ARPP21: variants seen among roughly 807,000 people sequenced by gnomAD.
ARPP21 encodes cAMP regulated phosphoprotein 21.
Under a neutral mutation model 113.2 loss-of-function variants are expected in ARPP21, and 69 were observed. That is an observed-to-expected ratio of 0.61 (90% CI 0.50 to 0.74). ARPP21 has a LOEUF of 0.74. Among genes scored for constraint, ARPP21 ranks in the 30% least tolerant of loss-of-function variants. ARPP21 has a pLI of 0.00. For synonymous variants in ARPP21, 368 were observed against 375.5 expected (o/e 0.98, Z 0.23); for missense variants, 1,070 against 1,037.4 (o/e 1.03, Z -0.43).
intron 11 of ARPP21, 68 bp from the exon 12 acceptor site, chr3:35,715,371 A>G: frequency 7.9e-7 from 1 of 1,268,540 alleles, no homozygotes; most frequent in Admixed American, 1.8e-5. Context: ...TTTTAAAATC[A>G]GGCAAGTATT....
In ARPP21 at chr3:35,706,995, A is replaced by G. The variant is rs771235801; in HGVS notation, c.708A>G (p.Glu236=). 5.6e-6 allele frequency: 9 copies of G among 1,613,882 alleles called. No individual in the cohort carries two copies. The highest frequency in any genetic ancestry group is 7.6e-6 in the Non-Finnish European group (9 of 1,179,916). ...GCAGACCAGAGCAAAGGTTTTGTGA[A>G]CATTTAAAAGATGAAAAAGGTGAAG... ...STRIPEQRFC[E]HLKDEKGEES... Residue 236 remains glutamate (E), a synonymous_variant, in exon 10 of 21, where the codon GAA becomes GAG. Coordinates refer to ENST00000684406, the MANE Select transcript of ARPP21 (RefSeq NM_001385562.1).
chr3:35,762,512 C>G (rs1333301610), intron 19 of ARPP21, among the ~76,000 whole-genome samples: 1 of 151,954 alleles, frequency 6.6e-6, no homozygotes, highest in Non-Finnish European at 1.5e-5. Context: ...TCTTTTATTA[C>G]AATGATCTAC....
chr3:35,729,061 A>C (rs908033328), intron 14 of ARPP21, among the ~76,000 whole-genome samples: 1 of 152,166 alleles, frequency 6.6e-6, no homozygotes, highest in Non-Finnish European at 1.5e-5. Flanking sequence ...AAAGGCTGAG[A>C]GAAAGTTCTC....
At chr3:35,708,782 C>T (rs920505601) in intron 10 of ARPP21, among the ~76,000 whole-genome samples, 187 bp from the exon 11 acceptor site, 1 of 152,192 alleles carries the variant, frequency 6.6e-6, no homozygotes, top group Non-Finnish European at 1.5e-5. Flanking sequence ...CACCTCTCAC[C>T]ATTGCATGTC....
At chr3:35,777,641 C>G (rs572300417) in intron 19 of ARPP21, among the ~76,000 whole-genome samples, 157 of 152,236 alleles carry the variant, frequency 1.0e-3, no homozygotes, top group African/African-American at 3.7e-3. Context: ...GTCAGAATTG[C>G]AAGGACCAGT....
chr3:35,749,149 G>A (rs1036435951), intron 19 of ARPP21, among the ~76,000 whole-genome samples: 3 of 152,144 alleles, frequency 2.0e-5, no homozygotes, highest in Admixed American at 2.0e-4. Context: ...AATTGTTCAA[G>A]TACACAGGTT....
At chr3:35,739,231 G>A in intron 17 of ARPP21, 86 bp from the exon 18 acceptor site, 2 of 1,472,884 alleles carry the variant, frequency 1.4e-6, no homozygotes, top group Non-Finnish European at 1.8e-6. Context: ...ACAACTCCAA[G>A]AATGTGTCCT....
At chr3:35,667,956 A>AGAAGAAGAAGAG (rs2075074336) in intron 1 of ARPP21, among the ~76,000 whole-genome samples, 6 of 35,424 alleles carry the variant, frequency 1.7e-4, no homozygotes, top group African/African-American at 6.1e-4. Context: ...GAAAAGAAGA[A>AGAAGAAGAAGAG]GAAGAAGAAG....
intron 9 of ARPP21, among the ~76,000 whole-genome samples, chr3:35,705,048 C>A (rs555745404): frequency 2.0e-5 from 3 of 152,122 alleles, no homozygotes; most frequent in Admixed American, 2.0e-4. Context: ...AACAAAATTT[C>A]TGTAAATTTA....
chr3:35,699,767 T>C (rs1194517535), intron 9 of ARPP21, among the ~76,000 whole-genome samples: 5 of 151,798 alleles, frequency 3.3e-5, no homozygotes, highest in Non-Finnish European at 7.4e-5. Flanking sequence ...AAATACTGTA[T>C]TTGCATATGG....
chr3:35,745,283 T>A (rs1181625291), intron 19 of ARPP21, among the ~76,000 whole-genome samples: 3 of 152,218 alleles, frequency 2.0e-5, no homozygotes, highest in Non-Finnish European at 4.4e-5. Flanking sequence ...GTGCTATCAG[T>A]TTAGATACAT....
At chr3:35,747,223 G>A (rs1292035502) in intron 19 of ARPP21, among the ~76,000 whole-genome samples, 5 of 151,632 alleles carry the variant, frequency 3.3e-5, no homozygotes, top group Non-Finnish European at 5.9e-5. Flanking sequence ...GCATGGTGGC[G>A]GGTGCCTGTA....
At chr3:35,666,860 T>C (rs7624407) in intron 1 of ARPP21, among the ~76,000 whole-genome samples, 8,389 of 152,254 alleles carry the variant, frequency 0.055, 361 homozygotes, top group African/African-American at 0.12. Flanking sequence ...TTTTTGAGAT[T>C]TGGAAAGGTT....
In ARPP21 at chr3:35,681,714, G is replaced by A; in HGVS notation, c.-38G>A. On this transcript the variant is annotated splice_region_variant and 5_prime_UTR_variant, in exon 3 of 21. Coordinates refer to ENST00000684406, the MANE Select transcript of ARPP21 (RefSeq NM_001385562.1). The stretch of plus-strand genomic sequence containing the variant: ...ATTTTCTGATATCTTAACCTTCTAG[G>A]GCATAAAATCTTGTTATTTTAATTT... The A allele has an allele frequency of 1.9e-6, 3 of 1,563,470 alleles. No individual in the cohort carries two copies. The highest frequency in any genetic ancestry group is 2.6e-6 in the Non-Finnish European group (3 of 1,138,194).
chr3:35,653,581 C>T (rs1023702296), intron 1 of ARPP21, among the ~76,000 whole-genome samples: 1 of 152,040 alleles, frequency 6.6e-6, no homozygotes, highest in African/African-American at 2.4e-5. Context: ...TTGGGACACA[C>T]TCTCCCCCGG....
intron 1 of ARPP21, among the ~76,000 whole-genome samples, chr3:35,652,770 C>T (rs1702965926): frequency 6.6e-6 from 1 of 150,512 alleles, no homozygotes; most frequent in Non-Finnish European, 1.5e-5. Flanking sequence ...TTTTTCTGAA[C>T]TTGTTAGGGA....
At chr3:35,751,689 C>T (rs1011472893) in intron 19 of ARPP21, among the ~76,000 whole-genome samples, 1 of 152,100 alleles carries the variant, frequency 6.6e-6, no homozygotes, top group Non-Finnish European at 1.5e-5. Flanking sequence ...CTTAATTTTG[C>T]TAAATGAGGA....
chr3:35,738,002 ACTT>A (rs1338704813), intron 16 of ARPP21, among the ~76,000 whole-genome samples: 1 of 152,200 alleles, frequency 6.6e-6, no homozygotes, highest in East Asian at 1.9e-4. Flanking sequence ...TACATCAGTA[ACTT>A]CTTAAAGAAA....
chr3:35,723,625 T>C (rs11920154), intron 14 of ARPP21, among the ~76,000 whole-genome samples: 103 of 152,316 alleles, frequency 6.8e-4, no homozygotes, highest in African/African-American at 2.4e-3. Context: ...ATGGTGCACT[T>C]AAAAATTCCA....
Sources: gnomAD v4.1 joint callset for allele counts (sites outside exome capture counted in the v4.1 genomes callset) on GRCh38, gnomAD v4.1.1 for gene constraint, MANE v1.5 for transcripts, NCBI Gene and HGNC (gene_info 2026-07-23, HGNC 2026-07-21) for gene names.